The following DCDC1 variants were observed in gnomAD, a reference collection of about 807,000 sequenced individuals.
The protein encoded by DCDC1 is doublecortin domain-containing protein 1.
Under a neutral mutation model 178.3 loss-of-function variants are expected in DCDC1, and 200 were observed. The ratio of observed to expected loss-of-function variants is 1.12; its 90% CI spans 1.00 to 1.26. The LOEUF (loss-of-function observed/expected upper bound fraction) is 1.26. Among genes scored for constraint, DCDC1 ranks in the 50% most tolerant of loss-of-function variants. The pLI is 0.00. For synonymous variants in DCDC1, 690 were observed against 604.8 expected, an observed-to-expected ratio of 1.14 and a Z score of -2.07; for missense variants, 1,983 against 1,749.2, an observed-to-expected ratio of 1.13 and a Z score of -2.38.
intron 17 of DCDC1, among the ~76,000 whole-genome samples, chr11:31,078,806 G>T (rs922172049): frequency 1.3e-5 from 2 of 151,902 alleles, no homozygotes; most frequent in Non-Finnish European, 2.9e-5. Flanking sequence ...GATTCTGAAG[G>T]TGTGGACCCA....
intron 9 of DCDC1, among the ~76,000 whole-genome samples, chr11:31,153,785 A>AACACACACACACACAC (rs141063677): frequency 0.037 from 4,893 of 132,520 alleles, 123 homozygotes; most frequent in African/African-American, 0.048. Context: ...TCAGTCTTAA[A>AACACACACACACACAC]ACACACACAC....
intron 11 of DCDC1, among the ~76,000 whole-genome samples, chr11:31,126,116 C>T (rs187971759): frequency 1.3e-5 from 2 of 152,176 alleles, no homozygotes; most frequent in East Asian, 1.9e-4. Context: ...GTAGTTCATA[C>T]GAATAGCTGC....
chr11:31,325,778 T>G (rs771975941), intron 3 of DCDC1, among the ~76,000 whole-genome samples: 1 of 152,064 alleles, frequency 6.6e-6, no homozygotes, highest in Non-Finnish European at 1.5e-5. Context: ...AGAATCTCTG[T>G]GATACAAGTA....
At chr11:31,092,526 A>G (rs1234114583) in intron 16 of DCDC1, among the ~76,000 whole-genome samples, 1 of 152,212 alleles carries the variant, frequency 6.6e-6, no homozygotes, top group Non-Finnish European at 1.5e-5. Flanking sequence ...AACATCATTT[A>G]TAGAAGAGAA....
intron 2 of DCDC1, among the ~76,000 whole-genome samples, chr11:31,332,153 T>C (rs1950025713): frequency 1.3e-5 from 2 of 152,220 alleles, no homozygotes; most frequent in Admixed American, 1.3e-4. Context: ...CTAGATTTTC[T>C]AGTTTATTTG....
In DCDC1 at chr11:31,131,104, C is replaced by G. The variant is rs1336415491; in HGVS notation, c.1315-3465G>C. Reference sequence around the variant, plus strand: ...GGCTGAGGCAGGAGAATGGCGTGAACCTGGGAAGCGGAGCTTGCAGTGAGC... The same window carrying G: ...GGCTGAGGCAGGAGAATGGCGTGAAGCTGGGAAGCGGAGCTTGCAGTGAGC... On this transcript the variant is annotated intron_variant, in intron 10 of 38. Transcript: ENST00000684477. 1.0e-4 allele frequency among the ~76,000 whole-genome samples: 4 copies of G among 39,402 alleles called. 1 individual carries two copies. The highest frequency in any genetic ancestry group is 3.2e-4 in the African/African-American group (4 of 12,386). 25.8% of individuals were successfully genotyped at this position (39,402 alleles called of 152,430 possible).
chr11:31,130,391 C>T (rs1163363107), intron 10 of DCDC1, among the ~76,000 whole-genome samples: 1 of 152,130 alleles, frequency 6.6e-6, no homozygotes, highest in East Asian at 1.9e-4. Flanking sequence ...CACTTCTTAG[C>T]AGAAGCTTTA....
chr11:31,057,363 C>A (rs1422736648), intron 20 of DCDC1, among the ~76,000 whole-genome samples: 2 of 151,826 alleles, frequency 1.3e-5, no homozygotes, highest in African/African-American at 4.8e-5. Context: ...AAAATCAAAT[C>A]AAAAATGTTT....
chr11:30,977,892 T>C (rs1439580769), intron 20 of DCDC1, among the ~76,000 whole-genome samples: 1 of 152,206 alleles, frequency 6.6e-6, no homozygotes, highest in East Asian at 1.9e-4. Flanking sequence ...ATTGTGCCAC[T>C]GCACTCCACC....
chr11:31,245,847 A>C (rs190549027), intron 8 of DCDC1, among the ~76,000 whole-genome samples: 4 of 152,110 alleles, frequency 2.6e-5, no homozygotes, highest in Admixed American at 6.6e-5. Flanking sequence ...AAATAAGAAA[A>C]TAAACTGTTC....
chr11:31,247,506 G>A (rs1039933352), intron 8 of DCDC1, among the ~76,000 whole-genome samples: 1 of 151,962 alleles, frequency 6.6e-6, no homozygotes, highest in East Asian at 1.9e-4. Flanking sequence ...GGTACTGTGT[G>A]TGGAAATAAG....
chr11:31,181,443 G>A (rs1968784291), intron 9 of DCDC1, among the ~76,000 whole-genome samples: 1 of 152,224 alleles, frequency 6.6e-6, no homozygotes, highest in South Asian at 2.1e-4. Flanking sequence ...AACAGGGGTT[G>A]ACAGACACCA....
chr11:31,356,014 C>T (rs1591843651), intron 1 of DCDC1, among the ~76,000 whole-genome samples: 1 of 152,198 alleles, frequency 6.6e-6, no homozygotes, highest in African/African-American at 2.4e-5. Flanking sequence ...TATTCCCAAT[C>T]GCCCTTCTCT....
At chr11:31,204,428 GAA>G (rs372599816) in intron 9 of DCDC1, among the ~76,000 whole-genome samples, 1 of 139,622 alleles carries the variant, frequency 7.2e-6, no homozygotes, top group Admixed American at 7.2e-5. Flanking sequence ...AAGATAGCCT[GAA>G]AAAAAAAAAG....
chr11:30,905,987 C>A (rs1350358146), intron 30 of DCDC1, among the ~76,000 whole-genome samples: 1 of 152,142 alleles, frequency 6.6e-6, no homozygotes, highest in Non-Finnish European at 1.5e-5. Flanking sequence ...ATAGTTTTTA[C>A]TTCTACAGTT....
chr11:31,116,096 G>C (rs1207808626), intron 11 of DCDC1, among the ~76,000 whole-genome samples: 1 of 148,356 alleles, frequency 6.7e-6, no homozygotes, highest in Non-Finnish European at 1.5e-5. Flanking sequence ...TCACCTACAT[G>C]AACTCAATAC....
intron 31 of DCDC1, 46 bp from the exon 32 acceptor site, chr11:30,903,729 A>G: frequency 7.0e-7 from 1 of 1,421,300 alleles, no homozygotes; most frequent in Non-Finnish European, 9.4e-7. Context: ...AGGTGATAGC[A>G]TTGGGAATGA....
Position 30,905,123 on chromosome 11 carries a change from G to T in DCDC1, c.4146C>A (p.Tyr1382Ter), listed in dbSNP as rs765463816. Residue 1382 changes from tyrosine to a stop codon, truncating the protein, a stop_gained, in exon 31 of 39, where the codon TAC becomes TAA. Transcript: ENST00000684477. LOFTEE classifies it high-confidence loss of function. Reference protein sequence around the residue: ...SCDKAEKTLSYYQARLLSLRM... With the variant: ...SCDKAEKTLS The stretch of plus-strand genomic sequence containing the variant: ...GTAAAGACAATAGACGTGCTTGGTA[G>T]TAACTTAGAGTTTTTTCAGCCTTGT... The T allele has an allele frequency of 1.2e-6, 2 of 1,611,470 alleles. No individual in the cohort carries two copies. Among genetic ancestry groups the T allele is most frequent in the South Asian group, 2.2e-5 (2 of 90,896 alleles).
intron 9 of DCDC1, among the ~76,000 whole-genome samples, chr11:31,213,139 C>CTT (rs1972932547): frequency 7.1e-6 from 1 of 140,394 alleles, no homozygotes. Context: ...CTCTCTCTCT[C>CTT]TCTCTCTCTC....
Sources: gnomAD v4.1 joint callset for allele counts (sites outside exome capture counted in the v4.1 genomes callset) on GRCh38, gnomAD v4.1.1 for gene constraint, MANE v1.5 for transcripts, NCBI Gene and HGNC (gene_info 2026-07-23, HGNC 2026-07-21) for gene names.